The following ATAT1 variants were observed in gnomAD, a reference collection of about 807,000 sequenced individuals.
ATAT1 encodes the protein alpha tubulin acetyltransferase 1, also known as alpha-tubulin N-acetyltransferase 1.
ATAT1 carries 42 observed loss-of-function variants against 57.2 expected under a neutral mutation model. That is an observed-to-expected ratio of 0.73 (90% CI 0.57 to 0.95). The LOEUF is 0.95. ATAT1 is among the 40% of genes least tolerant of loss of function. The pLI, the probability that ATAT1 is intolerant of heterozygous loss-of-function variation, is 0.00. For synonymous variants in ATAT1, 168 were observed against 187.1 expected (o/e 0.90, Z 0.83); for missense variants, 454 against 523.7 (o/e 0.87, Z 1.30).
intron 10 of ATAT1, among the ~76,000 whole-genome samples, chr6:30,644,964 G>A (rs939913368): frequency 3.9e-5 from 6 of 152,074 alleles, no homozygotes; most frequent in Admixed American, 1.3e-4. Context: ...TACTCTGGGC[G>A]TGCCTTTGCC....
At chr6:30,638,325 C>G (rs930658518) in intron 6 of ATAT1, among the ~76,000 whole-genome samples, 1 of 152,030 alleles carries the variant, frequency 6.6e-6, no homozygotes, top group African/African-American at 2.4e-5. Context: ...TGGAGTCTCA[C>G]TCTGTCACCC....
intron 9 of ATAT1, 41 bp downstream of exon 9, chr6:30,642,288 T>TTAAC (rs765621381): frequency 6.2e-7 from 1 of 1,612,338 alleles, no homozygotes; most frequent in Non-Finnish European, 8.5e-7. Flanking sequence ...CTGGGGTACC[T>TTAAC]TAACACAAGG....
In ATAT1 at chr6:30,646,692, G is replaced by A; in HGVS notation, c.*49G>A. The stretch of plus-strand genomic sequence containing the variant: ...AAAGTATTATTTCTCCCTCACTACA[G>A]GAAAGAGCCAAAGCCCAACCCTCAT... On this transcript the variant is annotated 3_prime_UTR_variant, in exon 13 of 13. Coordinates refer to ENST00000330083, the MANE Select transcript of ATAT1 (RefSeq NM_001031722.4). The A allele has an allele frequency of 6.8e-7, 1 of 1,481,292 alleles. No homozygotes were observed. The highest frequency in any genetic ancestry group is 9.0e-7 in the Non-Finnish European group (1 of 1,108,274). 91.8% of individuals were successfully genotyped at this position (1,481,292 alleles called of 1,614,324 possible). A position where few individuals can be genotyped will look rare whatever the true frequency, so the allele number is the denominator to read the frequency against.
At chr6:30,641,339 G>A (rs1022715406) in intron 8 of ATAT1, among the ~76,000 whole-genome samples, 3 of 152,196 alleles carry the variant, frequency 2.0e-5, no homozygotes, top group Non-Finnish European at 4.4e-5. Context: ...GGCACTGAGA[G>A]GCACCTCAAC....
At chr6:30,641,968 T>G in intron 8 of ATAT1, 1 of 1,413,418 alleles carries the variant, frequency 7.1e-7, no homozygotes. Flanking sequence ...TTTGGCCTAC[T>G]CCTTCTGGCT....
At chr6:30,645,326 C>CTGCCTTAGCCTCCCAAGTAGCTGGGAT (rs1466002177) in intron 10 of ATAT1, among the ~76,000 whole-genome samples, 6 of 152,040 alleles carry the variant, frequency 3.9e-5, no homozygotes, top group Non-Finnish European at 8.8e-5. Flanking sequence ...AGCGATTCTC[C>CTGCCTTAGCCTCCCAAGTAGCTGGGAT]TGCCTTAGCC....
intron 10 of ATAT1, chr6:30,644,692 A>G (rs747786539): frequency 4.2e-5 from 39 of 928,158 alleles, no homozygotes; most frequent in Non-Finnish European, 5.0e-5. Context: ...TGTCAGCCTC[A>G]TTTGTGCGTC....
chr6:30,642,833 G>GAAC lies in ATAT1; in HGVS notation c.754_755insAAC (p.Ala252delinsGluPro). ...GGCCCCTCGCCGCGCCACACCTCCA[G>GAAC]CCCACCCACCCCCCCGCTCCAGCAG... On this transcript the variant is annotated protein_altering_variant, in exon 10 of 13. Coordinates refer to ENST00000330083, the MANE Select transcript of ATAT1 (RefSeq NM_001031722.4). 1 of 1,537,878 alleles carries GAAC rather than the reference G, an allele frequency of 6.5e-7. No homozygotes were observed. The highest frequency in any genetic ancestry group is 8.7e-7 in the Non-Finnish European group (1 of 1,145,784).
At chr6:30,643,378 T>C in intron 10 of ATAT1, 1 of 1,463,322 alleles carries the variant, frequency 6.8e-7, no homozygotes, top group Non-Finnish European at 9.1e-7. Context: ...GCCACTGGCT[T>C]GTGTGCCAAG....
chr6:30,638,101 T>C (rs1378065825), intron 6 of ATAT1, among the ~76,000 whole-genome samples: 1 of 151,986 alleles, frequency 6.6e-6, no homozygotes, highest in African/African-American at 2.4e-5. Flanking sequence ...GTGGTCTCGA[T>C]CTCCTGACCT....
chr6:30,631,828 G>A (rs1762946291), intron 6 of ATAT1, among the ~76,000 whole-genome samples: 1 of 152,060 alleles, frequency 6.6e-6, no homozygotes, highest in African/African-American at 2.4e-5. Context: ...TCTGGAGAGA[G>A]AGCATCCCAG....
intron 6 of ATAT1, chr6:30,633,734 G>A: frequency 4.8e-6 from 1 of 209,650 alleles, no homozygotes; most frequent in East Asian, 1.3e-4. Flanking sequence ...CATGCTAACG[G>A]GAACGCTAAT....
intron 6 of ATAT1, among the ~76,000 whole-genome samples, chr6:30,635,603 A>G (rs1226058876): frequency 2.6e-5 from 4 of 151,818 alleles, no homozygotes; most frequent in African/African-American, 9.7e-5. Flanking sequence ...AAAAAAAAAA[A>G]GAAAAGAAAA....
intron 6 of ATAT1, among the ~76,000 whole-genome samples, chr6:30,632,596 G>T (rs1429581780): frequency 6.6e-6 from 1 of 151,816 alleles, no homozygotes; most frequent in Non-Finnish European, 1.5e-5. Context: ...GATCATTTTG[G>T]CTGTGATCTT....
Position 30,642,833 on chromosome 6 carries a change from G to GGGGGGGCGCCCCCCCCCCCCCCCC in ATAT1, c.754_755insGGGGGGCGCCCCCCCCCCCCCCCC (p.Ala252delinsGlyGlyAlaProProProProProPro). On this transcript the variant is annotated protein_altering_variant, in exon 10 of 13. Transcript: ENST00000330083. ...GGCCCCTCGCCGCGCCACACCTCCA[G>GGGGGGGCGCCCCCCCCCCCCCCCC]CCCACCCACCCCCCCGCTCCAGCAG... 1 of 1,537,876 alleles carries GGGGGGGCGCCCCCCCCCCCCCCCC rather than the reference G, an allele frequency of 6.5e-7. No individual in the cohort carries two copies. Among genetic ancestry groups the GGGGGGGCGCCCCCCCCCCCCCCCC allele is most frequent in the Non-Finnish European group, 8.7e-7 (1 of 1,145,784 alleles).
At position 30,640,439 on chromosome 6, in the gene ATAT1, T is replaced by C. The variant is rs1275530217; in HGVS notation, c.547+17T>C. On this transcript the variant is annotated intron_variant, in intron 7 of 12. Coordinates refer to ENST00000330083, the MANE Select transcript of ATAT1 (RefSeq NM_001031722.4). Reference sequence around the variant, plus strand: ...ATCAACATCGTAAGTTTTTGCATTTTGTTGGTCACGTAGTCGGGGTGAGGG... The same window carrying C: ...ATCAACATCGTAAGTTTTTGCATTTCGTTGGTCACGTAGTCGGGGTGAGGG... 6.2e-7 allele frequency: 1 copy of C among 1,613,100 alleles called. No individual in the cohort carries two copies.
chr6:30,631,205 C>T (rs568508684), intron 6 of ATAT1, among the ~76,000 whole-genome samples: 5 of 151,998 alleles, frequency 3.3e-5, no homozygotes, highest in African/African-American at 9.6e-5. Context: ...AAAAACTGGC[C>T]GGGCACGGTG....
At chr6:30,634,066 C>T in intron 6 of ATAT1, 1 of 157,666 alleles carries the variant, frequency 6.3e-6, no homozygotes. Flanking sequence ...GCCTGCTTGC[C>T]CTCCACAGAC....
In ATAT1 at chr6:30,627,035, C is replaced by T. The variant is rs1332410468; in HGVS notation, c.-169C>T. ...CCCTCTGGCCCTTTTCTCCCGGTTC[C>T]TCTCCAAACCTGGTCCAGGCACCAC... On this transcript the variant is annotated 5_prime_UTR_variant, in exon 1 of 13. Transcript: ENST00000330083. The T allele has an allele frequency of 3.2e-6, 5 of 1,552,156 alleles. No individual in the cohort carries two copies. Among genetic ancestry groups the T allele is most frequent in the South Asian group, 2.3e-5 (2 of 85,146 alleles).
Sources: gnomAD v4.1 joint callset for allele counts (sites outside exome capture counted in the v4.1 genomes callset) on GRCh38, gnomAD v4.1.1 for gene constraint, MANE v1.5 for transcripts, NCBI Gene and HGNC (gene_info 2026-07-23, HGNC 2026-07-21) for gene names.